PPM1B: variants seen among roughly 807,000 people sequenced by gnomAD.
The protein encoded by PPM1B is protein phosphatase, Mg2+/Mn2+ dependent 1B.
A neutral mutation model predicts 43.0 loss-of-function variants in PPM1B; 22 were observed. That is an observed-to-expected ratio of 0.51 (90% CI 0.37 to 0.73). PPM1B has a LOEUF of 0.73. Ranked by LOEUF, PPM1B falls within the 30% of genes least tolerant of loss-of-function variation. The pLI is 0.00. For missense variants in PPM1B, 632 were observed against 584.2 expected (o/e 1.08, Z -0.84); for synonymous variants, 217 against 197.9 (o/e 1.10, Z -0.81).
At position 44,230,829 on chromosome 2, in the gene PPM1B, A is replaced by C. The variant is rs571038946; in HGVS notation, c.*111A>C. The C allele has an allele frequency of 1.0e-4, 148 of 1,463,068 alleles. No homozygotes were observed. The Middle Eastern group carries it at 1.2e-3, about 12-fold the overall frequency. The allele number at this position is 1,463,068 out of a possible 1,614,324, so 90.6% of individuals were successfully genotyped here. A position where few individuals can be genotyped will look rare whatever the true frequency, so the allele number is the denominator to read the frequency against. On this transcript the variant is annotated 3_prime_UTR_variant, in exon 6 of 6. Transcript: ENST00000282412. Reference sequence around the variant, plus strand: ...ATTTGAATCTTGGAAAACTAGTTTTATTATATTCAGATAGCCTTGTTTTTT... The same window carrying C: ...ATTTGAATCTTGGAAAACTAGTTTTCTTATATTCAGATAGCCTTGTTTTTT...
downstream of PPM1B, among the ~76,000 whole-genome samples, chr2:44,236,130 T>C (rs1366359610): frequency 6.6e-6 from 1 of 151,916 alleles, no homozygotes; most frequent in East Asian, 1.9e-4. Flanking sequence ...GCGCAGTGGC[T>C]CACGCCTGTA....
chr2:44,171,079 T>C (rs1667317956), intron 1 of PPM1B, among the ~76,000 whole-genome samples: 1 of 152,222 alleles, frequency 6.6e-6, no homozygotes, highest in South Asian at 2.1e-4. Flanking sequence ...TATTTGAGCT[T>C]TCATACTGTA....
At chr2:44,216,176 A>G (rs1669709136) in intron 3 of PPM1B, among the ~76,000 whole-genome samples, 1 of 152,216 alleles carries the variant, frequency 6.6e-6, no homozygotes, top group Admixed American at 6.5e-5. Flanking sequence ...GGACAAGAGA[A>G]GCCAAAATAC....
chr2:44,187,630 C>T (rs1349518637), intron 1 of PPM1B, among the ~76,000 whole-genome samples: 2 of 152,166 alleles, frequency 1.3e-5, no homozygotes, highest in East Asian at 1.9e-4. Context: ...GTATTTGTAT[C>T]TTCCCTCAGC....
chr2:44,210,350 C>G (rs1006380632), intron 3 of PPM1B, among the ~76,000 whole-genome samples: 17 of 151,760 alleles, frequency 1.1e-4, no homozygotes, highest in African/African-American at 4.1e-4. Flanking sequence ...TCCCAAGTAG[C>G]TGGAACTACA....
At chr2:44,173,529 T>A (rs950622217) in intron 1 of PPM1B, among the ~76,000 whole-genome samples, 39 of 152,246 alleles carry the variant, frequency 2.6e-4, no homozygotes, top group Non-Finnish European at 1.3e-4. Flanking sequence ...TACTTCTGAA[T>A]TAATGGTAAA....
At chr2:44,205,584 T>A (rs1669153062) in intron 2 of PPM1B, among the ~76,000 whole-genome samples, 1 of 152,230 alleles carries the variant, frequency 6.6e-6, no homozygotes, top group Non-Finnish European at 1.5e-5. Context: ...TCTGTGATTA[T>A]TGATAGAAAT....
chr2:44,207,017 A>G (rs973027035), intron 2 of PPM1B, among the ~76,000 whole-genome samples: 13 of 152,246 alleles, frequency 8.5e-5, no homozygotes, highest in Admixed American at 5.9e-4. Flanking sequence ...TAAGGAATGA[A>G]TTAATTTGGC....
chr2:44,201,512 G>C lies in PPM1B; in HGVS notation c.313G>C (p.Gly105Arg). ...GCTTTCAGTGGAAAATGTTAAGAAT[G>C]GTATCAGAACTGGATTTTTGAAAAT... The part of the protein sequence containing the change: ...LELSVENVKN[G>R]IRTGFLKIDE... The change falls in exon 2 of 6, where the codon GGT (glycine) becomes CGT (arginine). Residue 105 changes from glycine to arginine, a missense_variant. Coordinates refer to ENST00000282412, the MANE Select transcript of PPM1B (RefSeq NM_002706.6). This position sits in a 1 kb window ranked among gnomAD's most constrained non-coding sequence, Gnocchi z 5.4. 1 of 1,614,162 alleles carries C rather than the reference G, an allele frequency of 6.2e-7. No individual in the cohort carries two copies. The highest frequency in any genetic ancestry group is 8.5e-7 in the Non-Finnish European group (1 of 1,180,040).
At position 44,170,725 on chromosome 2, in the gene PPM1B, A is replaced by T. The variant is rs373272999; in HGVS notation, c.-15+1451A>T. 2.6e-5 allele frequency among the ~76,000 whole-genome samples: 4 copies of T among 152,362 alleles called. No individual in the cohort carries two copies. The East Asian group carries it at 7.7e-4, about 29-fold the overall frequency. Reference sequence around the variant, plus strand: ...TTCTAAGTAAATAGTGAGACAAGTTATTCTAATTATTATGATAGTCTTTTC... The same window carrying T: ...TTCTAAGTAAATAGTGAGACAAGTTTTTCTAATTATTATGATAGTCTTTTC... On this transcript the variant is annotated intron_variant, in intron 1 of 5. Coordinates refer to ENST00000282412, the MANE Select transcript of PPM1B (RefSeq NM_002706.6).
intron 1 of PPM1B, among the ~76,000 whole-genome samples, chr2:44,176,540 T>G (rs1667590389): frequency 6.6e-6 from 1 of 152,230 alleles, no homozygotes; most frequent in Admixed American, 6.5e-5. Context: ...CCTTTGTTTT[T>G]TCTGCATGTG....
At chr2:44,244,980 G>A (rs149232333), downstream of PPM1B, among the ~76,000 whole-genome samples, 329 of 151,794 alleles carry the variant, frequency 2.2e-3, no homozygotes, top group African/African-American at 7.7e-3. Context: ...TCCTATAGCG[G>A]TGTAACAGTG....
rs563487528 is a variant in PPM1B, at chr2:44,213,684, T to C, written c.965-4283T>C. ...TACAATTTCCTCAGCCCTAAATTAA[T>C]CTTGTTTTTAGGTCTCAATGCTTTT... On this transcript the variant is annotated intron_variant, in intron 3 of 5. Coordinates refer to ENST00000282412, the MANE Select transcript of PPM1B (RefSeq NM_002706.6). 3 of 152,348 alleles carry C rather than the reference T, an allele frequency of 2.0e-5. No homozygotes were observed. In the East Asian group the frequency reaches 5.8e-4, roughly 29 times the overall value. The allele number at this position is 152,348 out of a possible 1,614,324, so 9.4% of individuals were successfully genotyped here. A position where few individuals can be genotyped will look rare whatever the true frequency, so the allele number is the denominator to read the frequency against.
At chr2:44,230,030 T>C in intron 5 of PPM1B, 1 of 1,589,308 alleles carries the variant, frequency 6.3e-7, no homozygotes, top group Non-Finnish European at 8.6e-7. Flanking sequence ...GGCCTGCTTT[T>C]CTGTCCTTTT....
chr2:44,181,058 C>A (rs989054659), intron 1 of PPM1B, among the ~76,000 whole-genome samples: 3 of 152,062 alleles, frequency 2.0e-5, no homozygotes, highest in Non-Finnish European at 2.9e-5. Context: ...AGTCGTCCTA[C>A]CCCAGCCTCC....
At chr2:44,232,531 AGCATTGCCT>A, downstream of PPM1B, 1 of 1,447,708 alleles carries the variant, frequency 6.9e-7, no homozygotes, top group African/African-American at 1.4e-5. Flanking sequence ...TGCCACTTGT[AGCATTGCCT>A]GTACTACAGT....
At chr2:44,205,799 A>G (rs1401701150) in intron 2 of PPM1B, among the ~76,000 whole-genome samples, 1 of 152,164 alleles carries the variant, frequency 6.6e-6, no homozygotes, top group Non-Finnish European at 1.5e-5. Flanking sequence ...AAAACATGAG[A>G]TAGTACCTCA....
downstream of PPM1B, among the ~76,000 whole-genome samples, chr2:44,246,221 C>G (rs192664440): frequency 2.6e-5 from 4 of 152,280 alleles, no homozygotes; most frequent in Admixed American, 1.3e-4. Context: ...TAATACTTTT[C>G]TGTTCTTCTA....
At chr2:44,174,800 C>A (rs1319973737) in intron 1 of PPM1B, among the ~76,000 whole-genome samples, 1 of 152,188 alleles carries the variant, frequency 6.6e-6, no homozygotes. Context: ...GGGCTGGTTA[C>A]TGGATGTTCT....
Sources: gnomAD v4.1 joint callset for allele counts (sites outside exome capture counted in the v4.1 genomes callset) on GRCh38, gnomAD v4.1.1 for gene constraint, Gnocchi (gnomAD v3.1) non-coding constraint, MANE v1.5 for transcripts, NCBI Gene and HGNC (gene_info 2026-07-23, HGNC 2026-07-21) for gene names.